Variants in AQP1 observed in about 807,000 individuals in gnomAD.
AQP1 encodes the protein aquaporin-1.
A neutral mutation model predicts 19.7 loss-of-function variants in AQP1; 11 were observed. The observed-to-expected ratio is 0.56, with a 90% confidence interval of 0.35 to 0.92. AQP1 has a LOEUF of 0.92. Ranked by LOEUF, AQP1 falls within the 40% of genes least tolerant of loss-of-function variation. The pLI, the probability that AQP1 is intolerant of heterozygous loss-of-function variation, is 0.01. For synonymous variants in AQP1, 159 were observed against 166.7 expected, an observed-to-expected ratio of 0.95 and a Z score of 0.36; for missense variants, 320 against 369.7, an observed-to-expected ratio of 0.87 and a Z score of 1.10.
At position 30,911,970 on chromosome 7, in the gene AQP1, A is replaced by G; in HGVS notation, c.61A>G (p.Thr21Ala). 6.2e-7 allele frequency: 1 copy of G among 1,613,570 alleles called. No individual in the cohort carries two copies. The highest frequency in any genetic ancestry group is 8.5e-7 in the Non-Finnish European group (1 of 1,180,042). ...WRAVVAEFLA[T>A]TLFVFISIGS... ...GGCAGTGGTGGCCGAGTTCCTGGCCACGACCCTCTTTGTCTTCATCAGCAT... is the reference window on the plus strand; with the variant it reads ...GGCAGTGGTGGCCGAGTTCCTGGCCGCGACCCTCTTTGTCTTCATCAGCAT... The change falls in exon 1 of 4, where the codon ACG becomes GCG. Residue 21 changes from threonine (T) to alanine (A), a missense_variant. Transcript: ENST00000311813.
chr7:30,914,630 G>A (rs1259109622), intron 1 of AQP1, among the ~76,000 whole-genome samples: 1 of 152,208 alleles, frequency 6.6e-6, no homozygotes, highest in African/African-American at 2.4e-5. Context: ...TGGCCTGGAT[G>A]CCTCAAGAGG....
At chr7:30,914,808 T>A (rs986369313) in intron 1 of AQP1, among the ~76,000 whole-genome samples, 5 of 152,160 alleles carry the variant, frequency 3.3e-5, no homozygotes, top group African/African-American at 1.2e-4. Flanking sequence ...AGGAAGTGGT[T>A]GGGGTGAGTC....
chr7:30,923,941 A>G lies in AQP1; in HGVS notation c.*312A>G, dbSNP rs1221739930. 1 of 1,428,354 alleles carries G rather than the reference A, an allele frequency of 7.0e-7. No individual in the cohort carries two copies. The highest frequency in any genetic ancestry group is 9.3e-7 in the Non-Finnish European group (1 of 1,072,648). The allele number at this position is 1,428,354 out of a possible 1,614,324, so 88.5% of individuals were successfully genotyped here. A position where few individuals can be genotyped will look rare whatever the true frequency, so the allele number is the denominator to read the frequency against. On this transcript the variant is annotated 3_prime_UTR_variant, in exon 4 of 4. Transcript: ENST00000311813. The surrounding 1 kb of genome is among the most constrained non-coding windows in gnomAD (Gnocchi z 4.8). ...CTCAGAGCATGATGGGAGGTGTGCC[A>G]GAAAGTCCCCCCTCGCCCCAAAGTT... is the stretch of plus-strand genomic sequence containing the variant.
At chr7:30,922,456 C>T (rs1035009893) in intron 2 of AQP1, 108 bp from the exon 3 acceptor site, 9 of 1,327,084 alleles carry the variant, frequency 6.8e-6, no homozygotes, top group Non-Finnish European at 9.8e-6. Context: ...GTCTCATTGT[C>T]CCCCACCCTG....
intron 1 of AQP1, among the ~76,000 whole-genome samples, chr7:30,919,458 T>C (rs1791440375): frequency 6.6e-6 from 1 of 152,100 alleles, no homozygotes; most frequent in Non-Finnish European, 1.5e-5. Context: ...ATGTGTGGAT[T>C]ATTCTTTCGG....
Position 30,923,640 on chromosome 7 carries a change from G to A in AQP1, c.*11G>A, listed in dbSNP as rs1791589754. On this transcript the variant is annotated 3_prime_UTR_variant, in exon 4 of 4. Transcript: ENST00000311813. This position sits in a 1 kb window ranked among gnomAD's most constrained non-coding sequence, Gnocchi z 4.8. ...ATGAAGCCCAAATAGAAGGGGTCTGGCCCGGGCATCCACGTAGGGGGCAGG... is the reference window on the plus strand; with the variant it reads ...ATGAAGCCCAAATAGAAGGGGTCTGACCCGGGCATCCACGTAGGGGGCAGG... The A allele has an allele frequency of 6.3e-7, 1 of 1,579,370 alleles. No individual in the cohort carries two copies. The highest frequency in any genetic ancestry group is 8.6e-7 in the Non-Finnish European group (1 of 1,161,072).
chr7:30,918,452 C>G (rs1791415509), intron 1 of AQP1, among the ~76,000 whole-genome samples: 1 of 152,232 alleles, frequency 6.6e-6, no homozygotes, highest in Non-Finnish European at 1.5e-5. Flanking sequence ...AACCAGGAAT[C>G]CCCCCATGTC....
rs1791200498 is a variant in AQP1 at position 30,912,769 on chromosome 7, C to CT, written c.384+476_384+477insT. On this transcript the variant is annotated intron_variant, in intron 1 of 3. Coordinates refer to ENST00000311813, the MANE Select transcript of AQP1 (RefSeq NM_198098.4). This position sits in a 1 kb window ranked among gnomAD's most constrained non-coding sequence, Gnocchi z 4.3. ...GAGCAGGACTCCCTCAGGGAGCCCC[C>CT]CATATTCACACTAGTTTCCAAATAA... 6.6e-6 allele frequency among the ~76,000 whole-genome samples: 1 copy of CT among 152,180 alleles called. No individual in the cohort carries two copies. The highest frequency in any genetic ancestry group is 1.5e-5 in the Non-Finnish European group (1 of 68,038).
intron 1 of AQP1, among the ~76,000 whole-genome samples, chr7:30,918,623 G>A (rs931308419): frequency 6.6e-6 from 1 of 152,224 alleles, no homozygotes; most frequent in Admixed American, 6.5e-5. Flanking sequence ...CCTGGCTCTG[G>A]AGCCTGCTCT....
chr7:30,917,500 A>ATT (rs955623746), intron 1 of AQP1, among the ~76,000 whole-genome samples: 1 of 152,074 alleles, frequency 6.6e-6, no homozygotes, highest in Non-Finnish European at 1.5e-5. Context: ...TGGGGGGCTC[A>ATT]TTTTTTTCTC....
Position 30,924,097 on chromosome 7 carries a change from G to A in AQP1, c.*468G>A, listed in dbSNP as rs1791614239. On this transcript the variant is annotated 3_prime_UTR_variant, in exon 4 of 4. Coordinates refer to ENST00000311813, the MANE Select transcript of AQP1 (RefSeq NM_198098.4). Reference sequence around the variant, plus strand: ...TGCTTGGAGGGGGAAGAGATCCCAGGAGGTGCAGTGGAGGGGGCAAGCTTT... The same window carrying A: ...TGCTTGGAGGGGGAAGAGATCCCAGAAGGTGCAGTGGAGGGGGCAAGCTTT... The A allele has an allele frequency of 3.3e-6, 4 of 1,202,316 alleles. No homozygotes were observed. The highest frequency in any genetic ancestry group is 1.6e-5 in the African/African-American group (1 of 63,086). The allele number at this position is 1,202,316 out of a possible 1,614,324, so 74.5% of individuals were successfully genotyped here. A position where few individuals can be genotyped will look rare whatever the true frequency, so the allele number is the denominator to read the frequency against.
chr7:30,922,474 T>C, intron 2 of AQP1, 90 bp from the exon 3 acceptor site: 1 of 1,406,986 alleles, frequency 7.1e-7, no homozygotes, highest in Non-Finnish European at 1.0e-6. Context: ...CTGATTGTTC[T>C]CTTTCTCCCT....
intron 1 of AQP1, among the ~76,000 whole-genome samples, chr7:30,916,703 A>G (rs1217978515): frequency 1.3e-5 from 2 of 152,370 alleles, no homozygotes; most frequent in African/African-American, 2.4e-5. Flanking sequence ...CGGCCCTTCC[A>G]GCAGCTCCTT....
intron 1 of AQP1, chr7:30,921,451 C>T: frequency 6.8e-7 from 1 of 1,463,914 alleles, no homozygotes; most frequent in East Asian, 2.5e-5. Context: ...GGGAGACAGG[C>T]CTTGGACCAA....
intron 1 of AQP1, among the ~76,000 whole-genome samples, chr7:30,917,214 A>G (rs1006424902): frequency 1.3e-5 from 2 of 152,212 alleles, no homozygotes; most frequent in African/African-American, 2.4e-5. Context: ...CACAAACACA[A>G]ACATGCACAC....
At chr7:30,919,717 C>T (rs1349079120) in intron 1 of AQP1, among the ~76,000 whole-genome samples, 1 of 152,134 alleles carries the variant, frequency 6.6e-6, no homozygotes, top group African/African-American at 2.4e-5. Flanking sequence ...CAGTAACGTA[C>T]ATTTGAAGTA....
intron 1 of AQP1, among the ~76,000 whole-genome samples, chr7:30,914,070 CG>C (rs1360491667): frequency 1.3e-5 from 2 of 152,196 alleles, no homozygotes; most frequent in Non-Finnish European, 2.9e-5. Context: ...CTCTAGTATG[CG>C]CATCCGAGGC....
intron 1 of AQP1, among the ~76,000 whole-genome samples, chr7:30,914,724 C>T (rs1370830736): frequency 6.6e-6 from 1 of 150,748 alleles, no homozygotes; most frequent in Non-Finnish European, 1.5e-5. Flanking sequence ...GCCCTGAGCC[C>T]CAGCCCAGTC....
At chr7:30,916,002 G>A (rs1791342257) in intron 1 of AQP1, among the ~76,000 whole-genome samples, 1 of 152,184 alleles carries the variant, frequency 6.6e-6, no homozygotes, top group Non-Finnish European at 1.5e-5. Context: ...GCCAGCCCCA[G>A]ATGAGGGGGA....
Sources: allele counts gnomAD v4.1 joint callset (sites outside exome capture counted in the v4.1 genomes callset), GRCh38; gene constraint gnomAD v4.1.1; non-coding constraint Gnocchi (gnomAD v3.1); transcripts MANE v1.5; gene names NCBI Gene and HGNC (gene_info 2026-07-23, HGNC 2026-07-21).